PARP14: variants seen among roughly 807,000 people sequenced by gnomAD.
The protein encoded by PARP14 is protein mono-ADP-ribosyltransferase PARP14.
PARP14 carries 59 observed loss-of-function variants against 154.2 expected under a neutral mutation model. The observed-to-expected ratio is 0.38, with a 90% CI of 0.31 to 0.48. PARP14 has a LOEUF of 0.48. PARP14 is among the 20% of genes least tolerant of loss of function. PARP14 has a pLI of 0.98. For missense variants in PARP14, 1,734 were observed against 2,131.6 expected, an observed-to-expected ratio of 0.81 and a Z score of 3.67; for synonymous variants, 720 against 780.5, an observed-to-expected ratio of 0.92 and a Z score of 1.29.
intron 12 of PARP14, among the ~76,000 whole-genome samples, chr3:122,717,022 A>G (rs1236390357): frequency 6.6e-6 from 1 of 152,228 alleles, no homozygotes; most frequent in Non-Finnish European, 1.5e-5. Context: ...TAAACTCTTC[A>G]AAATACCATG....
chr3:122,714,494 G>T, intron 12 of PARP14, 65 bp downstream of exon 12: 1 of 1,301,554 alleles, frequency 7.7e-7, no homozygotes, highest in African/African-American at 1.5e-5. Context: ...ATTTGGAGCT[G>T]AGTGTGAATG....
intron 15 of PARP14, chr3:122,720,747 G>C (rs925236553): frequency 2.2e-6 from 1 of 462,054 alleles, no homozygotes; most frequent in Non-Finnish European, 4.3e-6. Flanking sequence ...ATGTTACTCT[G>C]CCCCATTATT....
Position 122,729,956 on chromosome 3 carries a change from A to G in PARP14, c.*1359A>G, listed in dbSNP as rs1560091088. On this transcript the variant is annotated 3_prime_UTR_variant, in exon 17 of 17. Coordinates refer to ENST00000474629, the MANE Select transcript of PARP14 (RefSeq NM_017554.3). Reference sequence around the variant, plus strand: ...ATTGCTAATTTGCTAACTCCTATCTATTGAATGGTGAAGTTTTAAAAATTT... The same window carrying G: ...ATTGCTAATTTGCTAACTCCTATCTGTTGAATGGTGAAGTTTTAAAAATTT... 1 of 152,230 alleles carries G rather than the reference A, an allele frequency of 6.6e-6. No individual in the cohort carries two copies. The allele number at this position is 152,230 out of a possible 1,614,324, so 9.4% of individuals were successfully genotyped here. A position where few individuals can be genotyped will look rare whatever the true frequency, so the allele number is the denominator to read the frequency against.
chr3:122,728,159 C>A (rs1321301263), intron 16 of PARP14, 149 bp from the exon 17 acceptor site: 2 of 919,884 alleles, frequency 2.2e-6, no homozygotes, highest in Non-Finnish European at 3.3e-6. Context: ...ACTGGCCCTT[C>A]TAGGTAGAAA....
At chr3:122,696,644 A>G (rs1938787438) in intron 5 of PARP14, among the ~76,000 whole-genome samples, 1 of 152,142 alleles carries the variant, frequency 6.6e-6, no homozygotes, top group South Asian at 2.1e-4. Context: ...TTGTGGTGAG[A>G]GTTGATATTT....
chr3:122,692,336 G>A lies in PARP14; in HGVS notation c.391G>A (p.Asp131Asn). 1 of 1,612,890 alleles carries A rather than the reference G, an allele frequency of 6.2e-7. No individual in the cohort carries two copies. Among genetic ancestry groups the A allele is most frequent in the East Asian group, 2.2e-5 (1 of 44,834 alleles). The change falls in exon 4 of 17, where the codon GAT becomes AAT. Residue 131 changes from aspartate to asparagine, a missense_variant. Asp to Asn is a conservative substitution (Grantham distance 23). Around this residue, in one of 2 missense-constraint regions of PARP14, gnomAD observed 1,646 missense variants for 1,976.0 expected, o/e 0.83. Coordinates refer to ENST00000474629, the MANE Select transcript of PARP14 (RefSeq NM_017554.3). ...AGAATTGGATACAAAACTCCCTCTTGATGGTGGATTAGACAAAATGGAAGA... is the reference window on the plus strand; with the variant it reads ...AGAATTGGATACAAAACTCCCTCTTAATGGTGGATTAGACAAAATGGAAGA... ...SEELDTKLPL[D>N]GGLDKMEDIP...
At chr3:122,714,527 A>G in intron 12 of PARP14, 98 bp downstream of exon 12, 4 of 870,846 alleles carry the variant, frequency 4.6e-6, no homozygotes, top group East Asian at 2.8e-5. Flanking sequence ...AGTCTGACCC[A>G]GGGCAGCAAC....
At position 122,703,900 on chromosome 3, in the gene PARP14, C is replaced by T; in HGVS notation, c.3240C>T (p.Ser1080=). 1 of 1,614,002 alleles carries T rather than the reference C, an allele frequency of 6.2e-7. No homozygotes were observed. The highest frequency in any genetic ancestry group is 8.5e-7 in the Non-Finnish European group (1 of 1,179,890). Reference sequence around the variant, plus strand: ...GCATGGGCACAGTGCTCAAAACCAGCAGCTGGAATCTGGACTGTCGCTATG... The same window carrying T: ...GCATGGGCACAGTGCTCAAAACCAGTAGCTGGAATCTGGACTGTCGCTATG... ...AVSMGTVLKT[S]SWNLDCRYVL... Residue 1080 remains serine, a synonymous_variant, in exon 7 of 17, where the codon AGC becomes AGT. Transcript: ENST00000474629.
intron 15 of PARP14, 172 bp downstream of exon 15, chr3:122,720,560 C>A: frequency 1.5e-6 from 1 of 662,764 alleles, no homozygotes; most frequent in Admixed American, 2.2e-5. Context: ...ATTACTGAGG[C>A]ATTAAGATTC....
intron 10 of PARP14, 83 bp downstream of exon 10, chr3:122,713,656 A>G: frequency 7.8e-7 from 1 of 1,275,984 alleles, no homozygotes; most frequent in East Asian, 2.3e-5. Flanking sequence ...GGTTTTTAGA[A>G]CTTTGGCTTG....
At chr3:122,714,163 T>TC (rs397778481) in intron 11 of PARP14, 99 bp from the exon 12 acceptor site, 9 of 1,046,342 alleles carry the variant, frequency 8.6e-6, no homozygotes, top group Admixed American at 3.0e-5. Context: ...TTTTTTTTTT[T>TC]CACAAAATGC....
At chr3:122,690,790 G>C (rs1938516668) in intron 3 of PARP14, among the ~76,000 whole-genome samples, 1 of 152,216 alleles carries the variant, frequency 6.6e-6, no homozygotes, top group South Asian at 2.1e-4. Flanking sequence ...GGGATTACAG[G>C]CATGAGCCAC....
intron 15 of PARP14, among the ~76,000 whole-genome samples, chr3:122,725,208 C>T (rs572010975): frequency 7.9e-5 from 12 of 152,170 alleles, no homozygotes; most frequent in Admixed American, 3.3e-4. Context: ...TGGGCAAAGG[C>T]GCTCACTTCC....
chr3:122,699,268 C>T, intron 5 of PARP14, 122 bp from the exon 6 acceptor site: 1 of 562,130 alleles, frequency 1.8e-6, no homozygotes, highest in Non-Finnish European at 3.0e-6. Flanking sequence ...TGTTTTATTT[C>T]TTTCCTTTAA....
intron 5 of PARP14, among the ~76,000 whole-genome samples, chr3:122,697,595 T>G (rs953263328): frequency 6.6e-6 from 1 of 152,234 alleles, no homozygotes; most frequent in Admixed American, 6.5e-5. Flanking sequence ...TAGAGCTTGG[T>G]TTAAAAGAGA....
At position 122,693,828 on chromosome 3, in the gene PARP14, G is replaced by A. The variant is rs1258701407; in HGVS notation, c.598+1285G>A. 2.1e-5 allele frequency among the ~76,000 whole-genome samples: 3 copies of A among 143,876 alleles called. No homozygotes were observed. In the Admixed American group the frequency reaches 2.1e-4, roughly 10 times the overall value. The allele number at this position is 143,876 out of a possible 152,430, so 94.4% of individuals were successfully genotyped here. Reference sequence around the variant, plus strand: ...TGCACTCCAGCCTGGGTGACAGAGTGAGACCCCGTGTCTGAAAAAAAAAAA... The same window carrying A: ...TGCACTCCAGCCTGGGTGACAGAGTAAGACCCCGTGTCTGAAAAAAAAAAA... On this transcript the variant is annotated intron_variant, in intron 4 of 16. Transcript: ENST00000474629.
rs1303486738 is a variant in PARP14 at position 122,730,824 on chromosome 3, A to C, written c.*2227A>C. The C allele has an allele frequency of 6.5e-6, 1 of 152,672 alleles. No homozygotes were observed. The highest frequency in any genetic ancestry group is 1.5e-5 in the Non-Finnish European group (1 of 68,046). 9.5% of individuals were successfully genotyped at this position (152,672 alleles called of 1,614,324 possible). A position where few individuals can be genotyped will look rare whatever the true frequency, so the allele number is the denominator to read the frequency against. Reference sequence around the variant, plus strand: ...GTCATTTTGCTACTTTTCAAATAAAATACTTGAAAACTGTCATTTAATGGT... The same window carrying C: ...GTCATTTTGCTACTTTTCAAATAAACTACTTGAAAACTGTCATTTAATGGT... On this transcript the variant is annotated 3_prime_UTR_variant, in exon 17 of 17. Coordinates refer to ENST00000474629, the MANE Select transcript of PARP14 (RefSeq NM_017554.3).
In PARP14 at chr3:122,720,616, A is replaced by G. The variant is rs55804376; in HGVS notation, c.4941+228A>G. The G allele has an allele frequency of 4.1e-3, 2,373 of 573,400 alleles. 9 individuals carry two copies. Among genetic ancestry groups the G allele is most frequent in the Non-Finnish European group, 5.9e-3 (1,876 of 316,756 alleles). 35.5% of individuals were successfully genotyped at this position (573,400 alleles called of 1,614,324 possible). On this transcript the variant is annotated intron_variant, in intron 15 of 16. Coordinates refer to ENST00000474629, the MANE Select transcript of PARP14 (RefSeq NM_017554.3). ...TTTGATTGTAATATGATAGAACACTAAAGACATATATTTACTTTGTGAAGC... is the reference window on the plus strand; with the variant it reads ...TTTGATTGTAATATGATAGAACACTGAAGACATATATTTACTTTGTGAAGC...
rs1044066966 is a variant in PARP14, at chr3:122,704,877, CTTGTAG to C, written c.3540+142_3540+147del. On this transcript the variant is annotated intron_variant, in intron 8 of 16. Coordinates refer to ENST00000474629, the MANE Select transcript of PARP14 (RefSeq NM_017554.3). ...CAGGAAAGTAAGAAGGTAGTTTATA[CTTGTAG>C]TTGTAGTTGTAGCATGACAAATTTT... 14 of 617,162 alleles carry C rather than the reference CTTGTAG, an allele frequency of 2.3e-5. No homozygotes were observed. In the South Asian group the frequency reaches 2.5e-4, roughly 11 times the overall value. The allele number at this position is 617,162 out of a possible 1,614,324, so 38.2% of individuals were successfully genotyped here.
Sources: gnomAD v4.1 joint callset for allele counts (sites outside exome capture counted in the v4.1 genomes callset) on GRCh38, gnomAD v4.1.1 for gene constraint, gnomAD v4.1.1 regional missense constraint, MANE v1.5 for transcripts, NCBI Gene and HGNC (gene_info 2026-07-23, HGNC 2026-07-21) for gene names.